PTBP3: variants seen among roughly 807,000 people sequenced by gnomAD.
The protein encoded by PTBP3 is polypyrimidine tract binding protein 3.
A neutral mutation model predicts 58.7 loss-of-function variants in PTBP3; 20 were observed. The ratio of observed to expected loss-of-function variants is 0.34; its 90% CI spans 0.24 to 0.50. PTBP3 has a LOEUF of 0.50. Among genes scored for constraint, PTBP3 ranks in the 20% least tolerant of loss-of-function variants. PTBP3 has a pLI of 0.98. For missense variants in PTBP3, 509 were observed against 637.2 expected (o/e 0.80, Z 2.17); for synonymous variants, 185 against 219.8 (o/e 0.84, Z 1.40).
intron 5 of PTBP3, among the ~76,000 whole-genome samples, 156 bp downstream of exon 5, chr9:112,262,279 T>C (rs1160181522): frequency 6.6e-6 from 1 of 152,196 alleles, no homozygotes; most frequent in Non-Finnish European, 1.5e-5. Context: ...GTCAAAAAAT[T>C]ACCTCTAATT....
chr9:112,232,057 T>G (rs1185794215), intron 9 of PTBP3, 42 bp downstream of exon 9: 2 of 1,360,406 alleles, frequency 1.5e-6, no homozygotes, highest in South Asian at 1.4e-5. Context: ...CTACTATACC[T>G]TCTCCTGAAA....
At chr9:112,230,728 T>A (rs1223870960) in intron 10 of PTBP3, among the ~76,000 whole-genome samples, 2 of 152,214 alleles carry the variant, frequency 1.3e-5, no homozygotes, top group African/African-American at 4.8e-5. Flanking sequence ...TAGATGTTAA[T>A]CATGTTTTAT....
At position 112,221,610 on chromosome 9, in the gene PTBP3, G is replaced by C. The variant is rs1834810237; in HGVS notation, c.*2241C>G. On this transcript the variant is annotated 3_prime_UTR_variant, in exon 14 of 14. Transcript: ENST00000374257. ...TTTTTTCCTCCTTCATATACCCCTTGTGTCTAGGTCAAAACTTATTTCATA... is the reference window on the plus strand; with the variant it reads ...TTTTTTCCTCCTTCATATACCCCTTCTGTCTAGGTCAAAACTTATTTCATA... 1 of 985,298 alleles carries C rather than the reference G, an allele frequency of 1.0e-6. No homozygotes were observed. The highest frequency in any genetic ancestry group is 1.7e-5 in the African/African-American group (1 of 57,304). The allele number at this position is 985,298 out of a possible 1,614,324, so 61.0% of individuals were successfully genotyped here.
the PTBP3 span, among the ~76,000 whole-genome samples, chr9:112,367,234 TAA>T: frequency 1.3e-5 from 2 of 152,242 alleles, no homozygotes; most frequent in Non-Finnish European, 2.9e-5. Context: ...AGACTACAGT[TAA>T]AAGTGATTTA....
At chr9:112,312,252 G>T (rs1312333659) in intron 1 of PTBP3, among the ~76,000 whole-genome samples, 1 of 152,082 alleles carries the variant, frequency 6.6e-6, no homozygotes, top group African/African-American at 2.4e-5. Context: ...GGAAGCTAAG[G>T]CAGGAGGATC....
chr9:112,326,695 A>G (rs1286955395), intron 1 of PTBP3, among the ~76,000 whole-genome samples: 1 of 152,202 alleles, frequency 6.6e-6, no homozygotes, highest in East Asian at 1.9e-4. Context: ...ATCATACTCT[A>G]ATCGCTACTA....
chr9:112,373,199 A>G, the PTBP3 span, among the ~76,000 whole-genome samples: 3 of 152,094 alleles, frequency 2.0e-5, no homozygotes, highest in South Asian at 2.1e-4. Flanking sequence ...CCCAGCCTAC[A>G]TGAGTTTATT....
At chr9:112,245,682 A>G (rs1835847277) in intron 7 of PTBP3, among the ~76,000 whole-genome samples, 2 of 152,192 alleles carry the variant, frequency 1.3e-5, no homozygotes, top group Admixed American at 6.5e-5. Flanking sequence ...GGCTGATTCC[A>G]GTGCCAGGTT....
chr9:112,259,462 G>C (rs981563747), intron 5 of PTBP3, among the ~76,000 whole-genome samples: 1 of 152,042 alleles, frequency 6.6e-6, no homozygotes, highest in African/African-American at 2.4e-5. Flanking sequence ...TCTGATACTT[G>C]AACACAACAA....
intron 7 of PTBP3, among the ~76,000 whole-genome samples, chr9:112,237,034 C>A (rs1220675760): frequency 1.3e-5 from 2 of 151,980 alleles, no homozygotes; most frequent in Non-Finnish European, 2.9e-5. Context: ...AAGGGGTGAG[C>A]AGAGAGAGCT....
At chr9:112,352,801 CTA>C in the PTBP3 span, among the ~76,000 whole-genome samples, 2 of 152,092 alleles carry the variant, frequency 1.3e-5, no homozygotes, top group African/African-American at 4.8e-5. Context: ...CATAGTTTGA[CTA>C]TAGTTGAAAT....
chr9:112,268,712 C>CAAAAA (rs56196327), intron 3 of PTBP3, among the ~76,000 whole-genome samples: 1 of 94,064 alleles, frequency 1.1e-5, no homozygotes, highest in Non-Finnish European at 2.2e-5. Context: ...GACACCGTCT[C>CAAAAA]AAAAAAAAAA....
At chr9:112,283,397 G>C (rs1181981510) in intron 2 of PTBP3, among the ~76,000 whole-genome samples, 1 of 152,186 alleles carries the variant, frequency 6.6e-6, no homozygotes, top group African/African-American at 2.4e-5. Flanking sequence ...CTCAGATAGA[G>C]ATAAGGAACT....
At chr9:112,240,881 TA>T (rs1835632003) in intron 7 of PTBP3, among the ~76,000 whole-genome samples, 1 of 152,010 alleles carries the variant, frequency 6.6e-6, no homozygotes, top group Admixed American at 6.6e-5. Flanking sequence ...AACAAAAAAC[TA>T]AAAGTTGAAA....
At chr9:112,279,944 A>G (rs1302701573) in intron 2 of PTBP3, among the ~76,000 whole-genome samples, 2 of 152,204 alleles carry the variant, frequency 1.3e-5, no homozygotes, top group Non-Finnish European at 2.9e-5. Flanking sequence ...TTAATAATTG[A>G]TAATATACAG....
At chr9:112,356,122 C>T in the PTBP3 span, among the ~76,000 whole-genome samples, 11 of 151,678 alleles carry the variant, frequency 7.3e-5, no homozygotes, top group South Asian at 1.7e-3. Flanking sequence ...GGATTACAGG[C>T]GCACACCACC....
the PTBP3 span, among the ~76,000 whole-genome samples, chr9:112,359,779 C>G: frequency 5.9e-5 from 9 of 152,052 alleles, no homozygotes; most frequent in African/African-American, 2.2e-4. Context: ...GAGATCGTGC[C>G]ATTGCACTCA....
At chr9:112,230,238 A>G (rs576964062) in intron 10 of PTBP3, among the ~76,000 whole-genome samples, 6 of 152,218 alleles carry the variant, frequency 3.9e-5, no homozygotes, top group African/African-American at 1.4e-4. Flanking sequence ...AGGGAGGACG[A>G]CTGCTTGAGC....
the PTBP3 span, among the ~76,000 whole-genome samples, chr9:112,378,180 T>C: frequency 6.6e-5 from 10 of 152,220 alleles, no homozygotes; most frequent in Non-Finnish European, 1.5e-4. Flanking sequence ...TAGAAGGTCA[T>C]GGGTAACTCC....
Sources: allele counts gnomAD v4.1 joint callset (sites outside exome capture counted in the v4.1 genomes callset), GRCh38; gene constraint gnomAD v4.1.1; transcripts MANE v1.5; gene names NCBI Gene and HGNC (gene_info 2026-07-23, HGNC 2026-07-21).